The following ATF7IP variants were observed in gnomAD, a reference collection of about 807,000 sequenced individuals.
ATF7IP encodes activating transcription factor 7-interacting protein 1.
ATF7IP carries 23 observed loss-of-function variants against 106.4 expected under a neutral mutation model. The observed-to-expected ratio is 0.22, with a 90% CI of 0.16 to 0.31. The LOEUF (loss-of-function observed/expected upper bound fraction) is 0.31, where lower values mean the gene tolerates loss of function less well. ATF7IP is among the 10% of genes least tolerant of loss of function. The pLI, the probability that ATF7IP is intolerant of heterozygous loss-of-function variation, is 1.00. For synonymous variants in ATF7IP, 542 were observed against 539.0 expected (o/e 1.01, Z -0.08); for missense variants, 1,334 against 1,524.3 (o/e 0.88, Z 2.08).
chr12:14,447,889 G>GCATA (rs756083928), intron 6 of ATF7IP, among the ~76,000 whole-genome samples: 52 of 152,154 alleles, frequency 3.4e-4, no homozygotes, highest in Admixed American at 1.4e-3. Context: ...TCCAAACATA[G>GCATA]CATAAATTGA....
At chr12:14,421,773 C>T (rs1356720222) in intron 1 of ATF7IP, among the ~76,000 whole-genome samples, 3 of 152,048 alleles carry the variant, frequency 2.0e-5, no homozygotes, top group Non-Finnish European at 4.4e-5. Flanking sequence ...TCAGTTTAGG[C>T]AAAACTCGTA....
In ATF7IP at chr12:14,463,497, T is replaced by C. The variant is rs144737297; in HGVS notation, c.2797+2364T>C. Reference sequence around the variant, plus strand: ...CAAGCTTACAATCAAATAGGGAATGTGGTAATTAAATAACTAATTAATTAT... The same window carrying C: ...CAAGCTTACAATCAAATAGGGAATGCGGTAATTAAATAACTAATTAATTAT... On this transcript the variant is annotated intron_variant, in intron 9 of 14. Transcript: ENST00000261168. Among the ~76,000 whole-genome samples the C allele has an allele frequency of 4.9e-4, 75 of 152,334 alleles. No homozygotes were observed. The South Asian group carries it at 0.011, about 22-fold the overall frequency.
intron 1 of ATF7IP, among the ~76,000 whole-genome samples, chr12:14,393,970 A>G (rs2136442229): frequency 6.6e-6 from 1 of 152,310 alleles, no homozygotes; most frequent in East Asian, 1.9e-4. Flanking sequence ...TGTGGCACAG[A>G]CAGAATATTT....
At chr12:14,389,903 C>T (rs1019578904) in intron 1 of ATF7IP, among the ~76,000 whole-genome samples, 7 of 152,170 alleles carry the variant, frequency 4.6e-5, no homozygotes, top group Non-Finnish European at 7.4e-5. Flanking sequence ...GGATTACAGG[C>T]GTGAGCCACC....
chr12:14,475,075 A>G (rs1228340984), intron 10 of ATF7IP, among the ~76,000 whole-genome samples: 2 of 152,206 alleles, frequency 1.3e-5, no homozygotes, highest in Non-Finnish European at 2.9e-5. Flanking sequence ...AACCTTTATC[A>G]TTTGGAATTG....
chr12:14,493,064 T>C (rs374770733), intron 13 of ATF7IP, among the ~76,000 whole-genome samples: 1 of 148,098 alleles, frequency 6.8e-6, no homozygotes, highest in Non-Finnish European at 1.5e-5. Context: ...TTTCCAGCTC[T>C]CTCACAGTGT....
At position 14,466,568 on chromosome 12, in the gene ATF7IP, A is replaced by C. The variant is rs1227962723; in HGVS notation, c.2840A>C (p.Lys947Thr). 1 of 1,605,838 alleles carries C rather than the reference A, an allele frequency of 6.2e-7. No homozygotes were observed. Among genetic ancestry groups the C allele is most frequent in the African/African-American group, 1.3e-5 (1 of 74,400 alleles). The change falls in exon 10 of 15, where the codon AAA becomes ACA. Residue 947 changes from lysine (K) to threonine (T), a missense_variant. Coordinates refer to ENST00000261168, the MANE Select transcript of ATF7IP (RefSeq NM_018179.5). The stretch of plus-strand genomic sequence containing the variant: ...ACAATAGATGCTTCTGTCAGTAAGA[A>C]AGCAGCTGATAGCACATCACAGGTA... Reference protein sequence around the residue: ...NKTIDASVSKKAADSTSQCGK... With the variant: ...NKTIDASVSKTAADSTSQCGK...
chr12:14,474,663 T>A (rs1355825135), intron 10 of ATF7IP, among the ~76,000 whole-genome samples: 1 of 152,142 alleles, frequency 6.6e-6, no homozygotes, highest in Non-Finnish European at 1.5e-5. Context: ...CCAACCAAAG[T>A]ACTGGGATTA....
chr12:14,388,758 C>T (rs1939387179), intron 1 of ATF7IP, among the ~76,000 whole-genome samples: 1 of 152,014 alleles, frequency 6.6e-6, no homozygotes, highest in African/African-American at 2.4e-5. Context: ...AATTCTTGTG[C>T]CTCAGCCTCC....
At chr12:14,432,456 A>G (rs777706905) in intron 2 of ATF7IP, among the ~76,000 whole-genome samples, 6 of 152,238 alleles carry the variant, frequency 3.9e-5, no homozygotes, top group Non-Finnish European at 8.8e-5. Context: ...TTGAGAGATG[A>G]GGTCTTAAAA....
chr12:14,456,537 C>G (rs777437688), intron 6 of ATF7IP, 24 bp from the exon 7 acceptor site: 1 of 1,574,064 alleles, frequency 6.4e-7, no homozygotes, highest in African/African-American at 1.4e-5. Context: ...TTTATTTTTA[C>G]CTTGATTTTT....
intron 1 of ATF7IP, among the ~76,000 whole-genome samples, chr12:14,422,312 T>TACACACACACACACACACAC (rs59503201): frequency 7.0e-6 from 1 of 142,236 alleles, no homozygotes; most frequent in African/African-American, 2.6e-5. Context: ...AAAAAGAGAA[T>TACACACACACACACACACAC]ACACACACAC....
chr12:14,493,994 A>G (rs1248012309), intron 13 of ATF7IP, among the ~76,000 whole-genome samples: 1 of 151,966 alleles, frequency 6.6e-6, no homozygotes, highest in Non-Finnish European at 1.5e-5. Context: ...GGTCCAAGGT[A>G]TTATGTATAG....
intron 5 of ATF7IP, among the ~76,000 whole-genome samples, chr12:14,445,014 CAG>C (rs1173289687): frequency 3.1e-5 from 4 of 129,156 alleles, no homozygotes; most frequent in Admixed American, 8.5e-5. Context: ...TTTTTTGAGA[CAG>C]AGTCTTGCTC....
intron 1 of ATF7IP, among the ~76,000 whole-genome samples, chr12:14,422,853 T>C (rs577894058): frequency 1.3e-5 from 2 of 152,336 alleles, no homozygotes; most frequent in South Asian, 2.1e-4. Context: ...AGTGCCTCTA[T>C]AGAGCATTTG....
At chr12:14,380,675 C>T (rs1938966813) in intron 1 of ATF7IP, among the ~76,000 whole-genome samples, 1 of 152,190 alleles carries the variant, frequency 6.6e-6, no homozygotes, top group Admixed American at 6.5e-5. Flanking sequence ...GGCCAGAGTG[C>T]ACTGGCACAA....
chr12:14,381,638 C>T (rs1939006280), intron 1 of ATF7IP, among the ~76,000 whole-genome samples: 1 of 152,076 alleles, frequency 6.6e-6, no homozygotes, highest in Non-Finnish European at 1.5e-5. Flanking sequence ...GTTTTTGGTT[C>T]ATCATCTTAA....
chr12:14,396,623 C>G (rs924340427), intron 1 of ATF7IP, among the ~76,000 whole-genome samples: 4 of 152,012 alleles, frequency 2.6e-5, no homozygotes, highest in African/African-American at 4.8e-5. Flanking sequence ...ACATACACAT[C>G]TGAAACAGTA....
At position 14,442,256 on chromosome 12, in the gene ATF7IP, T is replaced by C. The variant is rs527577500; in HGVS notation, c.1929+3989T>C. Among the ~76,000 whole-genome samples the C allele has an allele frequency of 1.7e-3, 256 of 152,328 alleles. 1 individual carries two copies. Among genetic ancestry groups the C allele is most frequent in the Non-Finnish European group, 3.1e-3 (214 of 68,020 alleles). The stretch of plus-strand genomic sequence containing the variant: ...TATAACAGTTAGGTTTCAATTAATA[T>C]CTACTTATTTTCAGTAGCATACAAA... On this transcript the variant is annotated intron_variant, in intron 5 of 14. Transcript: ENST00000261168.
Sources: allele counts gnomAD v4.1 joint callset (sites outside exome capture counted in the v4.1 genomes callset), GRCh38; gene constraint gnomAD v4.1.1; transcripts MANE v1.5; gene names NCBI Gene and HGNC (gene_info 2026-07-23, HGNC 2026-07-21).